The following STARD13 variants were observed in gnomAD, a reference collection of about 807,000 sequenced individuals.
STARD13 encodes stAR-related lipid transfer protein 13.
In STARD13, 62 loss-of-function variants were observed where a neutral mutation model predicts 106.4. That is an observed-to-expected ratio of 0.58 (90% CI 0.48 to 0.72). The LOEUF is 0.72. STARD13 is among the 30% of genes least tolerant of loss of function. STARD13 has a pLI of 0.00. For synonymous variants in STARD13, 565 were observed against 553.0 expected (o/e 1.02, Z -0.31); for missense variants, 1,387 against 1,424.0 (o/e 0.97, Z 0.42).
At chr13:33,480,454 G>A in the STARD13 span, among the ~76,000 whole-genome samples, 1 of 152,080 alleles carries the variant, frequency 6.6e-6, no homozygotes, top group Admixed American at 6.6e-5. Flanking sequence ...TACTTATGGT[G>A]GGTAGTAATA....
At chr13:33,506,805 A>C in the STARD13 span, among the ~76,000 whole-genome samples, 208 of 152,310 alleles carry the variant, frequency 1.4e-3, 8 homozygotes, top group East Asian at 0.039. Context: ...ACAATTATCT[A>C]AAAAGGCTAT....
At chr13:33,125,479 G>C (rs764342343) in intron 7 of STARD13, among the ~76,000 whole-genome samples, 2 of 152,030 alleles carry the variant, frequency 1.3e-5, no homozygotes, top group Admixed American at 6.6e-5. Context: ...CAAAAGTCTC[G>C]GAGGCAGCAA....
rs1019865116 is a variant in STARD13 at position 33,104,285 on chromosome 13, T to A, written c.*1308A>T. On this transcript the variant is annotated 3_prime_UTR_variant, in exon 14 of 14. Coordinates refer to ENST00000336934, the MANE Select transcript of STARD13 (RefSeq NM_178006.4). Reference sequence around the variant, plus strand: ...GGCTAAAGGGAGTCAATTCGCTTCATCTGTACAATAATAAATAAGGTTGGG... The same window carrying A: ...GGCTAAAGGGAGTCAATTCGCTTCAACTGTACAATAATAAATAAGGTTGGG... The A allele has an allele frequency of 3.9e-5, 6 of 152,392 alleles. No homozygotes were observed. In the East Asian group the frequency reaches 1.2e-3, roughly 29 times the overall value. 9.4% of individuals were successfully genotyped at this position (152,392 alleles called of 1,614,324 possible). A position where few individuals can be genotyped will look rare whatever the true frequency, so the allele number is the denominator to read the frequency against.
In STARD13 at chr13:33,108,570, A is replaced by G. The variant is rs562814500; in HGVS notation, c.3047+1303T>C. Among the ~76,000 whole-genome samples the G allele has an allele frequency of 2.6e-5, 4 of 152,314 alleles. No homozygotes were observed. The East Asian group carries it at 7.7e-4, about 29-fold the overall frequency. On this transcript the variant is annotated intron_variant, in intron 12 of 13. Coordinates refer to ENST00000336934, the MANE Select transcript of STARD13 (RefSeq NM_178006.4). ...CTTTCCCCAGTGAAATACAAACCCC[A>G]AGAGAGCAGGAGAGGGGTTTGCTGC... is the stretch of plus-strand genomic sequence containing the variant.
At chr13:33,505,448 T>G in the STARD13 span, among the ~76,000 whole-genome samples, 1 of 152,274 alleles carries the variant, frequency 6.6e-6, no homozygotes, top group Non-Finnish European at 1.5e-5. Flanking sequence ...TAGTAGGACA[T>G]TAAATATTAT....
At chr13:33,399,042 A>G in the STARD13 span, among the ~76,000 whole-genome samples, 1 of 152,204 alleles carries the variant, frequency 6.6e-6, no homozygotes, top group Non-Finnish European at 1.5e-5. Context: ...TATCCATAGA[A>G]AAAAGTATTT....
intron 3 of STARD13, among the ~76,000 whole-genome samples, chr13:33,157,295 T>C (rs1435804410): frequency 6.6e-6 from 1 of 152,222 alleles, no homozygotes. Flanking sequence ...TGCCCTTGTT[T>C]TGCATGTGCT....
chr13:33,569,894 A>C, the STARD13 span, among the ~76,000 whole-genome samples: 1 of 147,442 alleles, frequency 6.8e-6, no homozygotes, highest in Non-Finnish European at 1.5e-5. Flanking sequence ...AGAATGATAT[A>C]ATGGACTTTG....
intron 1 of STARD13, among the ~76,000 whole-genome samples, chr13:33,213,082 C>A (rs2555613): frequency 0.53 from 79,939 of 151,888 alleles, 21,486 homozygotes; most frequent in Middle Eastern, 0.61. Flanking sequence ...AAAAATCAGA[C>A]AGTACATCTG....
At chr13:33,499,535 T>C in the STARD13 span, among the ~76,000 whole-genome samples, 9 of 49,108 alleles carry the variant, frequency 1.8e-4, no homozygotes, top group South Asian at 8.7e-4. Context: ...CTTCTTCTTC[T>C]TCTTCTTCTT....
intron 1 of STARD13, among the ~76,000 whole-genome samples, chr13:33,197,289 T>C (rs1284756514): frequency 6.6e-6 from 1 of 152,216 alleles, no homozygotes; most frequent in Non-Finnish European, 1.5e-5. Flanking sequence ...TCATATCCCA[T>C]GTGAGGCACC....
intron 1 of STARD13, among the ~76,000 whole-genome samples, chr13:33,239,195 T>C (rs1739512131): frequency 2.6e-5 from 4 of 152,192 alleles, no homozygotes; most frequent in Non-Finnish European, 5.9e-5. Context: ...CGTTGTAGCA[T>C]ATAACAAGAT....
the STARD13 span, among the ~76,000 whole-genome samples, chr13:33,579,520 T>C: frequency 3.3e-4 from 50 of 152,024 alleles, no homozygotes; most frequent in Non-Finnish European, 6.6e-4. Context: ...AAACTATATA[T>C]TGAGTACAAT....
At chr13:33,336,046 T>C (rs184412182) in intron 1 of STARD13, among the ~76,000 whole-genome samples, 1 of 152,350 alleles carries the variant, frequency 6.6e-6, no homozygotes, top group East Asian at 1.9e-4. Flanking sequence ...ACGAGCTACA[T>C]GCTAGGGCAG....
At chr13:33,499,524 T>C in the STARD13 span, among the ~76,000 whole-genome samples, 2 of 34,850 alleles carry the variant, frequency 5.7e-5, 1 homozygote, top group Non-Finnish European at 1.3e-4. Flanking sequence ...CTTTCTTTCT[T>C]CTTCTTCTTC....
At chr13:33,603,039 T>A in the STARD13 span, among the ~76,000 whole-genome samples, 1 of 152,122 alleles carries the variant, frequency 6.6e-6, no homozygotes. Context: ...GTTTTAAGAG[T>A]TCCTTCCTCA....
At chr13:33,286,250 A>G (rs926567203), upstream of STARD13, among the ~76,000 whole-genome samples, 10 of 152,160 alleles carry the variant, frequency 6.6e-5, no homozygotes, top group African/African-American at 2.4e-4. Context: ...ACTCAAATAA[A>G]AACTTTTCCA....
chr13:33,418,415 T>A, the STARD13 span, among the ~76,000 whole-genome samples: 1 of 152,160 alleles, frequency 6.6e-6, no homozygotes, highest in South Asian at 2.1e-4. Context: ...GAGGCTTAAG[T>A]AGGTAAACAA....
chr13:33,655,931 G>A, the STARD13 span, among the ~76,000 whole-genome samples: 1 of 151,996 alleles, frequency 6.6e-6, no homozygotes, highest in African/African-American at 2.4e-5. Context: ...AAACATATTA[G>A]AAGCAGAGGT....
Sources: gnomAD v4.1 joint callset for allele counts (sites outside exome capture counted in the v4.1 genomes callset) on GRCh38, gnomAD v4.1.1 for gene constraint, MANE v1.5 for transcripts, NCBI Gene and HGNC (gene_info 2026-07-23, HGNC 2026-07-21) for gene names.